ENTREP2: variants seen among roughly 807,000 people sequenced by gnomAD.
The protein encoded by ENTREP2 is protein ENTREP2.
chr15:29,127,709 G>A, the ENTREP2 span, among the ~76,000 whole-genome samples: 1 of 152,174 alleles, frequency 6.6e-6, no homozygotes, highest in Non-Finnish European at 1.5e-5. Flanking sequence ...CAGGAGGGAG[G>A]AAGATCCAGC....
chr15:29,215,181 C>T, the ENTREP2 span, among the ~76,000 whole-genome samples: 2 of 152,080 alleles, frequency 1.3e-5, no homozygotes, highest in African/African-American at 4.8e-5. Context: ...GGCCTTTTAT[C>T]ATTTGTGATG....
At chr15:29,293,460 T>G in the ENTREP2 span, among the ~76,000 whole-genome samples, 93 of 152,012 alleles carry the variant, frequency 6.1e-4, 1 homozygote, top group South Asian at 1.5e-3. Context: ...GTTTCACCGT[T>G]TTAGCCAGGA....
At chr15:29,535,718 C>T in the ENTREP2 span, among the ~76,000 whole-genome samples, 1 of 151,948 alleles carries the variant, frequency 6.6e-6, no homozygotes, top group African/African-American at 2.4e-5. Context: ...AAGTTAGCAA[C>T]TTTATGTCTG....
At chr15:29,471,628 C>A in the ENTREP2 span, among the ~76,000 whole-genome samples, 2 of 152,192 alleles carry the variant, frequency 1.3e-5, no homozygotes, top group African/African-American at 4.8e-5. Flanking sequence ...CACACGGCAG[C>A]ACGGGGGCCA....
chr15:29,118,517 G>A, the ENTREP2 span, among the ~76,000 whole-genome samples: 1 of 152,324 alleles, frequency 6.6e-6, no homozygotes, highest in East Asian at 1.9e-4. Context: ...GCTGGGCAAC[G>A]CCCCGCTGCA....
At chr15:29,629,417 T>C in the ENTREP2 span, among the ~76,000 whole-genome samples, 4 of 152,344 alleles carry the variant, frequency 2.6e-5, no homozygotes, top group South Asian at 8.3e-4. Flanking sequence ...TACCTGAATG[T>C]TATTTAGAAT....
chr15:29,320,169 A>G, the ENTREP2 span, among the ~76,000 whole-genome samples: 6 of 152,162 alleles, frequency 3.9e-5, no homozygotes, highest in Non-Finnish European at 8.8e-5. Flanking sequence ...GCCCACTAAA[A>G]GACTGAAATT....
At chr15:29,139,791 C>T in the ENTREP2 span, among the ~76,000 whole-genome samples, 1 of 152,188 alleles carries the variant, frequency 6.6e-6, no homozygotes. Flanking sequence ...CTCAGCCTCC[C>T]CAGCGAGAAT....
At chr15:29,615,485 C>T in the ENTREP2 span, among the ~76,000 whole-genome samples, 1 of 152,038 alleles carries the variant, frequency 6.6e-6, no homozygotes, top group African/African-American at 2.4e-5. Flanking sequence ...TTCCTTTTCC[C>T]TAATCAGAAA....
chr15:29,394,882 C>CTTTT, the ENTREP2 span, among the ~76,000 whole-genome samples: 5 of 95,876 alleles, frequency 5.2e-5, no homozygotes, highest in East Asian at 6.2e-4. Context: ...GTCAGAATCT[C>CTTTT]TTTTTTTTTT....
At chr15:29,467,299 T>C in the ENTREP2 span, among the ~76,000 whole-genome samples, 1 of 152,122 alleles carries the variant, frequency 6.6e-6, no homozygotes, top group Admixed American at 6.5e-5. Flanking sequence ...TGTGCTTAGG[T>C]AGTGTTCCAC....
At chr15:29,232,134 G>A in the ENTREP2 span, among the ~76,000 whole-genome samples, 16 of 152,060 alleles carry the variant, frequency 1.1e-4, no homozygotes, top group Admixed American at 3.3e-4. Flanking sequence ...CAGGTGATCT[G>A]CCTGCCTCAG....
the ENTREP2 span, among the ~76,000 whole-genome samples, chr15:29,340,636 TTTTTA>T: frequency 6.6e-6 from 1 of 152,250 alleles, no homozygotes; most frequent in Admixed American, 6.5e-5. Flanking sequence ...ATATTGGAAC[TTTTTA>T]TTTTAACAGA....
At chr15:29,444,445 C>T in the ENTREP2 span, among the ~76,000 whole-genome samples, 3 of 151,512 alleles carry the variant, frequency 2.0e-5, no homozygotes, top group African/African-American at 7.3e-5. Flanking sequence ...AGTCTGGGGT[C>T]CACAGCTTCC....
chr15:29,251,754 T>A, the ENTREP2 span, among the ~76,000 whole-genome samples: 1 of 149,848 alleles, frequency 6.7e-6, no homozygotes, highest in African/African-American at 2.4e-5. Context: ...CTTTTTTTTT[T>A]TTTTTTTTTA....
chr15:29,607,741 C>T, the ENTREP2 span, among the ~76,000 whole-genome samples: 1 of 151,740 alleles, frequency 6.6e-6, no homozygotes, highest in East Asian at 1.9e-4. Context: ...ATCAAGTTTT[C>T]CTAAACTTTT....
the ENTREP2 span, among the ~76,000 whole-genome samples, chr15:29,194,587 G>A: frequency 1.3e-5 from 2 of 152,268 alleles, no homozygotes; most frequent in East Asian, 3.9e-4. Context: ...GACTTCAGTG[G>A]CCTTTACTCT....
At chr15:29,651,941 G>A in the ENTREP2 span, among the ~76,000 whole-genome samples, 1 of 152,190 alleles carries the variant, frequency 6.6e-6, no homozygotes, top group Admixed American at 6.5e-5. Flanking sequence ...CCACCTTCTG[G>A]CTGGAGAAGA....
At chr15:29,255,062 C>T in the ENTREP2 span, among the ~76,000 whole-genome samples, 1 of 152,162 alleles carries the variant, frequency 6.6e-6, no homozygotes. Flanking sequence ...AACACAACTC[C>T]AGTAGACCTT....
Sources: allele counts gnomAD v4.1 joint callset (sites outside exome capture counted in the v4.1 genomes callset), GRCh38; gene constraint gnomAD v4.1.1; transcripts MANE v1.5; gene names NCBI Gene and HGNC (gene_info 2026-07-23, HGNC 2026-07-21).